SHISAL1: variants seen among roughly 807,000 people sequenced by gnomAD.
The protein encoded by SHISAL1 is protein shisa-like-1.
In SHISAL1, 9 loss-of-function variants were observed where a neutral mutation model predicts 22.6. The ratio of observed to expected loss-of-function variants is 0.40; its 90% CI spans 0.24 to 0.70. The LOEUF is 0.70. Among genes scored for constraint, SHISAL1 ranks in the 30% least tolerant of loss-of-function variants. The pLI is 0.39. For synonymous variants in SHISAL1, 119 were observed against 115.4 expected (o/e 1.03, Z -0.20); for missense variants, 246 against 270.6 (o/e 0.91, Z 0.64).
chr22:44,272,911 C>T (rs922450128), intron 4 of SHISAL1, among the ~76,000 whole-genome samples: 2 of 152,138 alleles, frequency 1.3e-5, no homozygotes, highest in African/African-American at 4.8e-5. Context: ...GCCTGGGCAA[C>T]GTGGCAAAAC....
chr22:44,309,254 G>A (rs982114919), intron 1 of SHISAL1, among the ~76,000 whole-genome samples: 1 of 152,232 alleles, frequency 6.6e-6, no homozygotes, highest in Non-Finnish European at 1.5e-5. Flanking sequence ...TACAGCCTGG[G>A]GGGAGGCGGT....
In SHISAL1 at chr22:44,287,981, C is replaced by T. The variant is rs538712931; in HGVS notation, c.282-2236G>A. Among the ~76,000 whole-genome samples the T allele has an allele frequency of 1.6e-4, 25 of 152,276 alleles. 1 individual carries two copies. Among genetic ancestry groups the T allele is most frequent in the Admixed American group, 7.8e-4 (12 of 15,310 alleles). The stretch of plus-strand genomic sequence containing the variant: ...AGGGCAGCTGTGTGCAGATGCTGTC[C>T]GCAGAAGGGGTCCAGGATGCCAGCT... On this transcript the variant is annotated intron_variant, in intron 3 of 4. Transcript: ENST00000381176.
chr22:44,305,030 C>T (rs1006582742), intron 1 of SHISAL1, among the ~76,000 whole-genome samples: 1 of 152,110 alleles, frequency 6.6e-6, no homozygotes, highest in Non-Finnish European at 1.5e-5. Context: ...GGCTGATGTT[C>T]ACCCCTGGGG....
At chr22:44,301,001 G>T in intron 1 of SHISAL1, 24 bp from the exon 2 acceptor site, 2 of 1,535,596 alleles carry the variant, frequency 1.3e-6, no homozygotes, top group Non-Finnish European at 1.8e-6. Context: ...GCCACGAGAG[G>T]CTGGGTGTGG....
chr22:44,293,307 T>C lies in SHISAL1; in HGVS notation c.281+3365A>G, dbSNP rs117638548. On this transcript the variant is annotated intron_variant, in intron 3 of 4. Coordinates refer to ENST00000381176, the MANE Select transcript of SHISAL1 (RefSeq NM_001099294.2). ...AGAGGGAAGGCGGCGAGAAGATCGC[T>C]GGAGAATGACAAGGGATGGGATCTC... Among the ~76,000 whole-genome samples, 155 of 152,324 alleles carry C rather than the reference T, an allele frequency of 1.0e-3. 2 individuals carry two copies. The East Asian group carries it at 0.026, about 26-fold the overall frequency.
intron 4 of SHISAL1, among the ~76,000 whole-genome samples, chr22:44,272,011 A>G (rs1440247908): frequency 7.6e-6 from 1 of 130,776 alleles, no homozygotes; most frequent in Non-Finnish European, 1.8e-5. Context: ...TTAAGATTCC[A>G]AACTAAAGAT....
intron 4 of SHISAL1, among the ~76,000 whole-genome samples, chr22:44,275,404 G>A (rs1048649944): frequency 2.0e-5 from 3 of 152,214 alleles, no homozygotes; most frequent in African/African-American, 4.8e-5. Flanking sequence ...GATCAGAAGC[G>A]AGGCTGAGTT....
chr22:44,245,486 C>CAGTTCAGCCAAGTTGAAAAATTA lies in SHISAL1; in HGVS notation c.*4176_*4198dup, dbSNP rs1175098949. The CAGTTCAGCCAAGTTGAAAAATTA allele has an allele frequency of 1.3e-5, 2 of 152,210 alleles. No homozygotes were observed. Among genetic ancestry groups the CAGTTCAGCCAAGTTGAAAAATTA allele is most frequent in the Admixed American group, 1.3e-4 (2 of 15,282 alleles). 9.4% of individuals were successfully genotyped at this position (152,210 alleles called of 1,614,324 possible). On this transcript the variant is annotated 3_prime_UTR_variant, in exon 5 of 5. Coordinates refer to ENST00000381176, the MANE Select transcript of SHISAL1 (RefSeq NM_001099294.2). ...GAAGGCTTTTCCTGTTGATGGGGAC[C>CAGTTCAGCCAAGTTGAAAAATTA]AGTTCAGCCAAGTTGAAAAATTAAA...
At chr22:44,262,914 G>A (rs138419817) in intron 4 of SHISAL1, among the ~76,000 whole-genome samples, 6 of 152,224 alleles carry the variant, frequency 3.9e-5, no homozygotes, top group Non-Finnish European at 7.4e-5. Context: ...AACCCTTCCC[G>A]CAGACGAAAG....
the SHISAL1 span, among the ~76,000 whole-genome samples, chr22:44,325,612 T>A: frequency 6.6e-6 from 1 of 152,172 alleles, no homozygotes; most frequent in Non-Finnish European, 1.5e-5. Context: ...GGCCTTGGGT[T>A]TCAGAGTCCC....
At chr22:44,296,060 C>A (rs2055383398) in intron 3 of SHISAL1, among the ~76,000 whole-genome samples, 1 of 152,196 alleles carries the variant, frequency 6.6e-6, no homozygotes, top group African/African-American at 2.4e-5. Flanking sequence ...GGCCCAGGCG[C>A]CTTCTACGCC....
chr22:44,265,545 G>A (rs2055156175), intron 4 of SHISAL1, among the ~76,000 whole-genome samples: 1 of 151,854 alleles, frequency 6.6e-6, no homozygotes, highest in African/African-American at 2.4e-5. Context: ...CAAGCCAGGA[G>A]ACTCCAAGCC....
intron 1 of SHISAL1, among the ~76,000 whole-genome samples, chr22:44,309,032 T>A (rs2055498972): frequency 6.6e-6 from 1 of 152,162 alleles, no homozygotes; most frequent in Admixed American, 6.5e-5. Flanking sequence ...CCCGTGGGCA[T>A]CCCTTTCCCC....
chr22:44,293,984 G>T (rs1175022768), intron 3 of SHISAL1, among the ~76,000 whole-genome samples: 1 of 152,210 alleles, frequency 6.6e-6, no homozygotes, highest in Non-Finnish European at 1.5e-5. Flanking sequence ...ATAGAAACTT[G>T]TGGGCTTCAA....
At chr22:44,290,754 GGTGTAA>G (rs967945827) in intron 3 of SHISAL1, among the ~76,000 whole-genome samples, 1 of 152,120 alleles carries the variant, frequency 6.6e-6, no homozygotes, top group African/African-American at 2.4e-5. Context: ...CCTACTTCAT[GGTGTAA>G]GTGTGAGGCT....
chr22:44,273,025 G>A lies in SHISAL1; in HGVS notation c.599+12403C>T, dbSNP rs898053472. On this transcript the variant is annotated intron_variant, in intron 4 of 4. Coordinates refer to ENST00000381176, the MANE Select transcript of SHISAL1 (RefSeq NM_001099294.2). ...TCAGGAGAATCGCTTGAACCCCAGA[G>A]GCGGAGGTTGCTGTGAGCTGAGATC... Among the ~76,000 whole-genome samples the A allele has an allele frequency of 5.3e-5, 8 of 152,226 alleles. No homozygotes were observed. The South Asian group carries it at 1.5e-3, about 28-fold the overall frequency.
At chr22:44,256,836 C>T (rs2055088203) in intron 4 of SHISAL1, among the ~76,000 whole-genome samples, 1 of 152,032 alleles carries the variant, frequency 6.6e-6, no homozygotes, top group Admixed American at 6.6e-5. Flanking sequence ...AGGAAGCCTC[C>T]AAGAAATGGA....
At chr22:44,290,513 G>A (rs994981344) in intron 3 of SHISAL1, among the ~76,000 whole-genome samples, 20 of 135,076 alleles carry the variant, frequency 1.5e-4, no homozygotes, top group Non-Finnish European at 3.0e-4. Context: ...TGGGCAACAA[G>A]AGGGAAACTC....
At chr22:44,309,671 C>A (rs1416179544) in intron 1 of SHISAL1, among the ~76,000 whole-genome samples, 2 of 152,206 alleles carry the variant, frequency 1.3e-5, no homozygotes, top group Non-Finnish European at 2.9e-5. Flanking sequence ...GTGTGCATGC[C>A]TGTCTCCACA....
Sources: gnomAD v4.1 joint callset for allele counts (sites outside exome capture counted in the v4.1 genomes callset) on GRCh38, gnomAD v4.1.1 for gene constraint, MANE v1.5 for transcripts, NCBI Gene and HGNC (gene_info 2026-07-23, HGNC 2026-07-21) for gene names.